Variants in PDE4D observed in about 807,000 individuals in gnomAD.
The protein encoded by PDE4D is 3',5'-cyclic-AMP phosphodiesterase 4D.
Under a neutral mutation model 87.4 loss-of-function variants are expected in PDE4D, and 24 were observed. The ratio of observed to expected loss-of-function variants is 0.27; its 90% CI spans 0.20 to 0.39. PDE4D has a LOEUF of 0.39. Ranked by LOEUF, PDE4D falls within the 10% of genes least tolerant of loss-of-function variation. PDE4D has a pLI of 1.00. For missense variants in PDE4D, 714 were observed against 1,041.0 expected, an observed-to-expected ratio of 0.69 and a Z score of 4.32; for synonymous variants, 384 against 383.2, an observed-to-expected ratio of 1.00 and a Z score of -0.02.
At chr5:58,979,267 A>G (rs1341466536) in intron 11 of PDE4D, among the ~76,000 whole-genome samples, 2 of 152,088 alleles carry the variant, frequency 1.3e-5, no homozygotes, top group Non-Finnish European at 2.9e-5. Flanking sequence ...TGTCTTGGAG[A>G]GTGGTTATCT....
intron 1 of PDE4D, among the ~76,000 whole-genome samples, chr5:59,218,886 C>T (rs1478499116): frequency 1.3e-5 from 2 of 151,668 alleles, no homozygotes; most frequent in African/African-American, 2.4e-5. Context: ...GAGTTCATGT[C>T]CTTTGTAGGG....
chr5:59,442,076 G>T (rs1348676681), intron 1 of PDE4D, among the ~76,000 whole-genome samples: 2 of 152,188 alleles, frequency 1.3e-5, no homozygotes, highest in East Asian at 1.9e-4. Context: ...TACCAGACAA[G>T]TGATAGTGAG....
At chr5:59,715,137 G>A (rs1247324857) in intron 1 of PDE4D, among the ~76,000 whole-genome samples, 1 of 152,176 alleles carries the variant, frequency 6.6e-6, no homozygotes, top group Non-Finnish European at 1.5e-5. Flanking sequence ...TCGTGTAGAC[G>A]AGTTACCTGA....
chr5:59,510,785 T>A (rs1395813177), intron 1 of PDE4D, among the ~76,000 whole-genome samples: 2 of 151,898 alleles, frequency 1.3e-5, no homozygotes, highest in Non-Finnish European at 2.9e-5. Flanking sequence ...ACTCTTTAGT[T>A]AAGTGAAGCA....
chr5:60,415,109 A>C (rs1742372495), intron 1 of PDE4D, among the ~76,000 whole-genome samples: 1 of 152,264 alleles, frequency 6.6e-6, no homozygotes, highest in African/African-American at 2.4e-5. Context: ...AAAGGGAGCA[A>C]TCAATGGTAC....
intron 2 of PDE4D, among the ~76,000 whole-genome samples, chr5:60,090,970 C>T (rs896152963): frequency 1.3e-5 from 2 of 151,952 alleles, no homozygotes; most frequent in Non-Finnish European, 2.9e-5. Flanking sequence ...ATAAATTTAA[C>T]CAAACAAGTG....
At chr5:59,624,056 G>A (rs1830627310) in intron 1 of PDE4D, among the ~76,000 whole-genome samples, 2 of 152,152 alleles carry the variant, frequency 1.3e-5, no homozygotes, top group Non-Finnish European at 2.9e-5. Flanking sequence ...GCCCCGTTGT[G>A]TTGAGAGGAT....
At chr5:59,628,505 C>A in intron 1 of PDE4D, among the ~76,000 whole-genome samples, 1 of 151,386 alleles carries the variant, frequency 6.6e-6, no homozygotes, top group African/African-American at 2.4e-5. Context: ...TAGTGAATAC[C>A]AATTTGGATA....
chr5:59,395,269 C>A (rs1789154656), intron 1 of PDE4D, among the ~76,000 whole-genome samples: 2 of 152,338 alleles, frequency 1.3e-5, no homozygotes, highest in African/African-American at 4.8e-5. Flanking sequence ...GGCTCCAACT[C>A]TGGGGGCAGG....
At chr5:59,214,032 TCACA>T (rs199738839) in intron 2 of PDE4D, among the ~76,000 whole-genome samples, 19,325 of 132,434 alleles carry the variant, frequency 0.15, 1,449 homozygotes, top group Non-Finnish European at 0.18. Flanking sequence ...CATACATACT[TCACA>T]CACACACACA....
intron 2 of PDE4D, among the ~76,000 whole-genome samples, chr5:60,007,224 CA>C (rs1425861823): frequency 6.6e-6 from 1 of 151,900 alleles, no homozygotes; most frequent in East Asian, 1.9e-4. Flanking sequence ...AAACTGAAAT[CA>C]GTTCTCAATG....
intron 1 of PDE4D, among the ~76,000 whole-genome samples, chr5:59,402,569 A>T (rs913544975): frequency 7.2e-5 from 11 of 152,142 alleles, no homozygotes; most frequent in African/African-American, 1.9e-4. Flanking sequence ...TATTCCATTC[A>T]AATGTTAAAA....
intron 1 of PDE4D, among the ~76,000 whole-genome samples, chr5:60,315,404 A>G (rs981096260): frequency 6.6e-6 from 1 of 152,166 alleles, no homozygotes; most frequent in Non-Finnish European, 1.5e-5. Flanking sequence ...TCAGATGAGT[A>G]GATGGCAAAA....
intron 5 of PDE4D, among the ~76,000 whole-genome samples, chr5:59,156,320 A>AAAAAAAAATAT (rs548335725): frequency 2.4e-5 from 2 of 81,780 alleles, no homozygotes; most frequent in African/African-American, 1.0e-4. Flanking sequence ...AAAAAAAAAA[A>AAAAAAAAATAT]ATATATATAT....
chr5:59,950,668 C>A (rs1471488493), intron 3 of PDE4D, among the ~76,000 whole-genome samples: 1 of 152,140 alleles, frequency 6.6e-6, no homozygotes, highest in Non-Finnish European at 1.5e-5. Context: ...TTTCCCTTGA[C>A]TGAGTCTAGG....
intron 1 of PDE4D, among the ~76,000 whole-genome samples, chr5:59,402,942 C>T (rs1451251965): frequency 6.6e-6 from 1 of 151,900 alleles, no homozygotes; most frequent in Admixed American, 6.6e-5. Flanking sequence ...TTGTATCATC[C>T]CTGCAAAGTA....
At chr5:60,156,065 T>C (rs905712748) in intron 2 of PDE4D, among the ~76,000 whole-genome samples, 3 of 152,120 alleles carry the variant, frequency 2.0e-5, no homozygotes, top group African/African-American at 7.2e-5. Flanking sequence ...AATCCAAGAA[T>C]CAAGGGTACA....
At chr5:60,287,454 T>A (rs933872755) in intron 1 of PDE4D, among the ~76,000 whole-genome samples, 1 of 152,190 alleles carries the variant, frequency 6.6e-6, no homozygotes, top group Non-Finnish European at 1.5e-5. Context: ...GGAAGGCTCT[T>A]CAAAGACAAG....
chr5:59,625,088 C>T (rs1176619724), intron 1 of PDE4D, among the ~76,000 whole-genome samples: 4 of 152,060 alleles, frequency 2.6e-5, no homozygotes, highest in African/African-American at 9.7e-5. Context: ...ATCAGCTGAC[C>T]TTAAGATAAG....
Sources: allele counts gnomAD v4.1 joint callset (sites outside exome capture counted in the v4.1 genomes callset), GRCh38; gene constraint gnomAD v4.1.1; transcripts MANE v1.5; gene names NCBI Gene and HGNC (gene_info 2026-07-23, HGNC 2026-07-21).